The following FDXR variants were observed in gnomAD, a reference collection of about 807,000 sequenced individuals.
FDXR encodes ferredoxin reductase.
FDXR carries 38 observed loss-of-function variants against 58.3 expected under a neutral mutation model. The ratio of observed to expected loss-of-function variants is 0.65; its 90% CI spans 0.50 to 0.85. FDXR has a LOEUF of 0.85. FDXR is among the 40% of genes least tolerant of loss of function. The pLI is 0.00. For synonymous variants in FDXR, 275 were observed against 273.8 expected (o/e 1.00, Z -0.04); for missense variants, 624 against 671.0 (o/e 0.93, Z 0.77).
chr17:74,867,717 G>A (rs866562703), intron 2 of FDXR, among the ~76,000 whole-genome samples: 5 of 152,292 alleles, frequency 3.3e-5, no homozygotes, highest in Middle Eastern at 3.4e-3. Context: ...CACCTTGAGA[G>A]GCCGTGTGAA....
intron 6 of FDXR, among the ~76,000 whole-genome samples, chr17:74,865,468 C>T (rs747728566): frequency 1.3e-4 from 20 of 151,842 alleles, no homozygotes; most frequent in Non-Finnish European, 1.3e-4. Context: ...GGGGATGATC[C>T]AAGCAGGGGA....
chr17:74,870,831 C>G (rs1332528149), intron 2 of FDXR, among the ~76,000 whole-genome samples: 3 of 115,792 alleles, frequency 2.6e-5, no homozygotes, highest in Non-Finnish European at 5.0e-5. Flanking sequence ...GAGACAGGGT[C>G]TCACTCTGTC....
chr17:74,864,998 C>T, intron 6 of FDXR, 67 bp from the exon 7 acceptor site: 1 of 1,606,338 alleles, frequency 6.2e-7, no homozygotes, highest in Non-Finnish European at 8.5e-7. Flanking sequence ...TCCATTTGGT[C>T]ATGTCCCCAC....
rs757064995 is a variant in FDXR, at chr17:74,871,894, A to C, written c.177+142T>G. 1.9e-5 allele frequency: 11 copies of C among 572,052 alleles called. No homozygotes were observed. In the Middle Eastern group the frequency reaches 1.8e-3, roughly 96 times the overall value. 35.4% of individuals were successfully genotyped at this position (572,052 alleles called of 1,614,324 possible). A position where few individuals can be genotyped will look rare whatever the true frequency, so the allele number is the denominator to read the frequency against. ...GAGCCTCAGGTGTAGGTGAGGAAGCAAGTGGGAAGTGTCCAGGCCAGATGG... is the reference window on the plus strand; with the variant it reads ...GAGCCTCAGGTGTAGGTGAGGAAGCCAGTGGGAAGTGTCCAGGCCAGATGG... On this transcript the variant is annotated intron_variant, in intron 2 of 11. Coordinates refer to ENST00000293195, the MANE Select transcript of FDXR (RefSeq NM_024417.5).
chr17:74,864,978 A>G, intron 6 of FDXR, 47 bp from the exon 7 acceptor site: 1 of 1,613,450 alleles, frequency 6.2e-7, no homozygotes. Flanking sequence ...TGACCGAGGA[A>G]AGGGGACTCT....
In FDXR at chr17:74,872,719, C is replaced by G. The variant is rs34213602; in HGVS notation, c.79+147G>C. 30 of 1,506,400 alleles carry G rather than the reference C, an allele frequency of 2.0e-5. No homozygotes were observed. The Admixed American group carries it at 6.1e-4, about 30-fold the overall frequency. 93.3% of individuals were successfully genotyped at this position (1,506,400 alleles called of 1,614,324 possible). A position where few individuals can be genotyped will look rare whatever the true frequency, so the allele number is the denominator to read the frequency against. On this transcript the variant is annotated intron_variant, in intron 1 of 11. Coordinates refer to ENST00000293195, the MANE Select transcript of FDXR (RefSeq NM_024417.5). ...CTCACGCACAGATCTCCGCCCACCC[C>G]CGTACACCACCGGGATCTCGCCAGC...
chr17:74,865,638 G>A (rs1363016404), intron 6 of FDXR, 81 bp downstream of exon 6: 3 of 959,496 alleles, frequency 3.1e-6, no homozygotes, highest in Non-Finnish European at 3.2e-6. Flanking sequence ...GGAGAGGTAA[G>A]GCCTGAACCC....
Position 74,862,825 on chromosome 17 carries a change from C to G in FDXR, c.1468G>C (p.Gly490Arg). 6.2e-7 allele frequency: 1 copy of G among 1,610,232 alleles called. No individual in the cohort carries two copies. The highest frequency in any genetic ancestry group is 2.2e-5 in the East Asian group (1 of 44,878). ...VDPQEMLRLL[G>R]H is the part of the protein sequence containing the mutation. ...CGGGGCTGGGGCTGGGCTCAGTGGCCCAGGAGGCGCAGCATCTCCTGAGGA... is the reference window on the plus strand; with the variant it reads ...CGGGGCTGGGGCTGGGCTCAGTGGCGCAGGAGGCGCAGCATCTCCTGAGGA... The change falls in exon 12 of 12, where the codon GGC becomes CGC. Residue 490 changes from glycine to arginine, a missense_variant. Coordinates refer to ENST00000293195, the MANE Select transcript of FDXR (RefSeq NM_024417.5).
chr17:74,871,412 G>A (rs945951405), intron 2 of FDXR, among the ~76,000 whole-genome samples: 7 of 152,224 alleles, frequency 4.6e-5, no homozygotes, highest in African/African-American at 1.2e-4. Context: ...ACTGTCTCAC[G>A]TCTCAGTTAA....
chr17:74,867,434 T>C (rs999426840), intron 2 of FDXR, among the ~76,000 whole-genome samples: 2 of 151,608 alleles, frequency 1.3e-5, no homozygotes, highest in Non-Finnish European at 2.9e-5. Flanking sequence ...TTCTTTATCT[T>C]CTCAGGTCAA....
intron 7 of FDXR, 124 bp from the exon 8 acceptor site, chr17:74,864,688 GC>G (rs1406061601): frequency 9.8e-6 from 14 of 1,427,954 alleles, no homozygotes; most frequent in Non-Finnish European, 1.3e-5. Flanking sequence ...AAGGCACAGG[GC>G]CCCCGGGGCC....
rs991100246 is a variant in FDXR at position 74,866,326 on chromosome 17, G to A, written c.394-82C>T. On this transcript the variant is annotated intron_variant, in intron 4 of 11. Transcript: ENST00000293195. The stretch of plus-strand genomic sequence containing the variant: ...CGGGCAGCCCCCCAGGCTCCCAGCG[G>A]CCTCCTTCCAGCTTCTCAGCAGCTT... 16 of 1,566,566 alleles carry A rather than the reference G, an allele frequency of 1.0e-5. No individual in the cohort carries two copies. In the African/African-American group the frequency reaches 2.2e-4, roughly 21 times the overall value.
At chr17:74,868,703 T>TTCCC (rs1394833369) in intron 2 of FDXR, 19 of 1,528,464 alleles carry the variant, frequency 1.2e-5, no homozygotes, top group Non-Finnish European at 1.6e-5. Context: ...CCTTCCTTCC[T>TTCCC]TCCCTCCCTC....
At chr17:74,866,382 C>A in intron 4 of FDXR, 64 bp downstream of exon 4, 3 of 1,596,196 alleles carry the variant, frequency 1.9e-6, no homozygotes, top group South Asian at 2.2e-5. Context: ...CTGCCTTCCA[C>A]CCCGAGCCAC....
chr17:74,868,612 A>G, intron 2 of FDXR: 1 of 1,535,664 alleles, frequency 6.5e-7, no homozygotes. Context: ...TGTCCTCTCC[A>G]GGGCCACCTC....
chr17:74,868,493 A>G (rs946605467), intron 2 of FDXR: 27 of 1,224,304 alleles, frequency 2.2e-5, no homozygotes, highest in Non-Finnish European at 4.6e-6. Context: ...CCAGTGCCAC[A>G]GCATAAAGTT....
At chr17:74,866,283 G>A (rs2038180092) in intron 4 of FDXR, 39 bp from the exon 5 acceptor site, 1 of 1,589,616 alleles carries the variant, frequency 6.3e-7, no homozygotes, top group Non-Finnish European at 8.6e-7. Flanking sequence ...ACAGCCTTCA[G>A]CACCAGCACT....
rs690371 is a variant in FDXR at position 74,862,956 on chromosome 17, G to A, written c.1346-9C>T. The stretch of plus-strand genomic sequence containing the variant: ...AGAGACTGGCCGGACCCCTGAAGCA[G>A]AGGGGAGATTGTCAACACCTCCTCC... On this transcript the variant is annotated splice_polypyrimidine_tract_variant and intron_variant, in intron 11 of 11. Coordinates refer to ENST00000293195, the MANE Select transcript of FDXR (RefSeq NM_024417.5). The A allele has an allele frequency of 0.74, 1,192,879 of 1,609,810 alleles. 444,633 individuals carry two copies. The highest frequency in any genetic ancestry group is 0.82 in the Admixed American group (49,338 of 60,004).
chr17:74,865,131 C>A (rs576262694), intron 6 of FDXR, among the ~76,000 whole-genome samples, 200 bp from the exon 7 acceptor site: 1 of 152,188 alleles, frequency 6.6e-6, no homozygotes, highest in Non-Finnish European at 1.5e-5. Flanking sequence ...CCCACACTTT[C>A]ATTCAACAAG....
Sources: gnomAD v4.1 joint callset for allele counts (sites outside exome capture counted in the v4.1 genomes callset) on GRCh38, gnomAD v4.1.1 for gene constraint, MANE v1.5 for transcripts, NCBI Gene and HGNC (gene_info 2026-07-23, HGNC 2026-07-21) for gene names.